The following GFOD1 variants were observed in gnomAD, a reference collection of about 807,000 sequenced individuals.
GFOD1 encodes Gfo/Idh/MocA-like oxidoreductase domain containing 1, also known as glucose-fructose oxidoreductase domain-containing protein 1.
A neutral mutation model predicts 25.4 loss-of-function variants in GFOD1; 9 were observed. The ratio of observed to expected loss-of-function variants is 0.35; its 90% CI spans 0.21 to 0.62. The LOEUF is 0.62. Ranked by LOEUF, GFOD1 falls within the 20% of genes least tolerant of loss-of-function variation. The pLI is 0.72. For missense variants in GFOD1, 403 were observed against 556.9 expected, an observed-to-expected ratio of 0.72 and a Z score of 2.78; for synonymous variants, 253 against 245.6, an observed-to-expected ratio of 1.03 and a Z score of -0.28.
At chr6:13,386,550 T>C (rs763223652) in intron 1 of GFOD1, among the ~76,000 whole-genome samples, 6 of 152,206 alleles carry the variant, frequency 3.9e-5, no homozygotes, top group East Asian at 1.9e-4. Flanking sequence ...CCAGCCATCA[T>C]TGGCTCCTGC....
At position 13,360,472 on chromosome 6, in the gene GFOD1, C is replaced by T; in HGVS notation, c.*4271G>A. The T allele has an allele frequency of 2.9e-6, 1 of 345,948 alleles. No homozygotes were observed. The highest frequency in any genetic ancestry group is 2.2e-5 in the South Asian group (1 of 45,886). 21.4% of individuals were successfully genotyped at this position (345,948 alleles called of 1,614,324 possible). A position where few individuals can be genotyped will look rare whatever the true frequency, so the allele number is the denominator to read the frequency against. ...CAAACGAACTTTAAAGCCCCACTCCCTGAGAAAGGACATTTTCCTACGTTA... is the reference window on the plus strand; with the variant it reads ...CAAACGAACTTTAAAGCCCCACTCCTTGAGAAAGGACATTTTCCTACGTTA... On this transcript the variant is annotated 3_prime_UTR_variant, in exon 2 of 2. Coordinates refer to ENST00000379287, the MANE Select transcript of GFOD1 (RefSeq NM_018988.4).
At chr6:13,482,355 T>G (rs1758771822) in intron 1 of GFOD1, among the ~76,000 whole-genome samples, 2 of 150,826 alleles carry the variant, frequency 1.3e-5, no homozygotes, top group African/African-American at 2.4e-5. Flanking sequence ...ATATTTAAAT[T>G]TTAACATATA....
chr6:13,378,320 A>T (rs142534122), intron 1 of GFOD1, among the ~76,000 whole-genome samples: 219 of 152,364 alleles, frequency 1.4e-3, no homozygotes, highest in Admixed American at 2.4e-3. Flanking sequence ...GGGTTAATAA[A>T]GGAAGTGCCA....
In GFOD1 at chr6:13,365,724, G is replaced by C; in HGVS notation, c.254-62C>G. On this transcript the variant is annotated intron_variant, in intron 1 of 1. Transcript: ENST00000379287. The surrounding 1 kb of genome is among the most constrained non-coding windows in gnomAD (Gnocchi z 9.2). ...GACCATGTCCGAGCGCGCGTCCCTG[G>C]GTCAGATCTTAAAATATTTCACATT... 8.7e-7 allele frequency: 1 copy of C among 1,152,770 alleles called. No individual in the cohort carries two copies. The highest frequency in any genetic ancestry group is 1.3e-6 in the Non-Finnish European group (1 of 796,668). The allele number at this position is 1,152,770 out of a possible 1,614,324, so 71.4% of individuals were successfully genotyped here.
At chr6:13,374,621 T>A (rs1003150590) in intron 1 of GFOD1, among the ~76,000 whole-genome samples, 3 of 151,778 alleles carry the variant, frequency 2.0e-5, no homozygotes, top group African/African-American at 2.4e-5. Context: ...TAAGTTTTTT[T>A]AATTGACACG....
intron 1 of GFOD1, among the ~76,000 whole-genome samples, chr6:13,415,411 G>A (rs776268364): frequency 2.0e-5 from 3 of 152,116 alleles, no homozygotes; most frequent in Non-Finnish European, 4.4e-5. Context: ...AGAAGGGGTC[G>A]TTGAGTCACC....
intron 1 of GFOD1, among the ~76,000 whole-genome samples, chr6:13,464,861 C>CGTGTGTGTGTGT (rs36218477): frequency 4.1e-5 from 6 of 146,766 alleles, no homozygotes; most frequent in African/African-American, 1.5e-4. Context: ...TTCCTCTTTC[C>CGTGTGTGTGTGT]GTGTGTGTGT....
In GFOD1 at chr6:13,428,291, G is replaced by A. The variant is rs186492401; in HGVS notation, c.253+58347C>T. ...GCCCATGCTGAATTTCTCTGTTCTC[G>A]TCCTAGTGCCTCTTTTGACAAGCCA... On this transcript the variant is annotated intron_variant, in intron 1 of 1. Coordinates refer to ENST00000379287, the MANE Select transcript of GFOD1 (RefSeq NM_018988.4). 2.2e-4 allele frequency among the ~76,000 whole-genome samples: 34 copies of A among 152,228 alleles called. No individual in the cohort carries two copies. In the East Asian group the frequency reaches 5.0e-3, roughly 22 times the overall value.
chr6:13,422,843 G>A (rs1405479016), intron 1 of GFOD1, among the ~76,000 whole-genome samples: 1 of 152,206 alleles, frequency 6.6e-6, no homozygotes, highest in Non-Finnish European at 1.5e-5. Flanking sequence ...TGGTGGGAAT[G>A]TCTTGGCCTG....
chr6:13,482,882 A>C (rs1355240567), intron 1 of GFOD1, among the ~76,000 whole-genome samples: 3 of 151,608 alleles, frequency 2.0e-5, no homozygotes, highest in Non-Finnish European at 4.4e-5. Context: ...TCTCTATGTA[A>C]AATATATGCA....
chr6:13,480,112 C>A lies in GFOD1; in HGVS notation c.253+6526G>T, dbSNP rs188597077. Among the ~76,000 whole-genome samples, 14 of 152,314 alleles carry A rather than the reference C, an allele frequency of 9.2e-5. 1 individual carries two copies. The highest frequency in any genetic ancestry group is 7.8e-4 in the Admixed American group (12 of 15,292). ...CTTCAACATGAAGCAACTGCTGACA[C>A]CATGAAGAAGGACAGAAAAGGGCCA... On this transcript the variant is annotated intron_variant, in intron 1 of 1. Transcript: ENST00000379287.
intron 1 of GFOD1, among the ~76,000 whole-genome samples, chr6:13,422,092 C>G (rs1786267310): frequency 6.6e-6 from 1 of 152,172 alleles, no homozygotes; most frequent in South Asian, 2.1e-4. Context: ...CATTCACACA[C>G]ACACTCACAA....
intron 1 of GFOD1, among the ~76,000 whole-genome samples, chr6:13,380,844 A>G (rs1422607322): frequency 6.6e-6 from 1 of 152,246 alleles, no homozygotes; most frequent in Non-Finnish European, 1.5e-5. Context: ...CAGAGCTCAG[A>G]AACCTCAGAA....
At position 13,363,238 on chromosome 6, in the gene GFOD1, T is replaced by TGTGCGCGC. The variant is rs1554198475; in HGVS notation, c.*1504_*1505insGCGCGCAC. The TGTGCGCGC allele has an allele frequency of 6.6e-5, 10 of 151,676 alleles. No individual in the cohort carries two copies. Among genetic ancestry groups the TGTGCGCGC allele is most frequent in the African/African-American group, 2.4e-4 (10 of 41,292 alleles). 9.4% of individuals were successfully genotyped at this position (151,676 alleles called of 1,614,324 possible). On this transcript the variant is annotated 3_prime_UTR_variant, in exon 2 of 2. Coordinates refer to ENST00000379287, the MANE Select transcript of GFOD1 (RefSeq NM_018988.4). ...GTGTGTGTGTGTGTGTGTGTGTGTG[T>TGTGCGCGC]GCACGTGCATGTGTGTGTGTGTCTG...
intron 1 of GFOD1, among the ~76,000 whole-genome samples, chr6:13,370,254 T>G (rs2127555681): frequency 6.6e-6 from 1 of 152,294 alleles, no homozygotes; most frequent in South Asian, 2.1e-4. Context: ...TCTTTATGAT[T>G]CTTACTGAAA....
chr6:13,467,726 G>A (rs1206232496), intron 1 of GFOD1, among the ~76,000 whole-genome samples: 6 of 152,090 alleles, frequency 3.9e-5, no homozygotes, highest in Non-Finnish European at 5.9e-5. Context: ...TGTTCCAGCT[G>A]TTTCTGACCT....
chr6:13,453,609 T>G (rs915277649), intron 1 of GFOD1, among the ~76,000 whole-genome samples: 6 of 152,228 alleles, frequency 3.9e-5, no homozygotes, highest in African/African-American at 1.4e-4. Flanking sequence ...TTCCCATAAC[T>G]TTAAACAAGC....
intron 1 of GFOD1, among the ~76,000 whole-genome samples, chr6:13,378,076 A>T (rs779751070): frequency 6.6e-6 from 1 of 152,178 alleles, no homozygotes; most frequent in Non-Finnish European, 1.5e-5. Flanking sequence ...GTATGTATCC[A>T]CTTGGCATCA....
At chr6:13,375,678 C>T (rs1339633572) in intron 1 of GFOD1, among the ~76,000 whole-genome samples, 1 of 152,130 alleles carries the variant, frequency 6.6e-6, no homozygotes, top group African/African-American at 2.4e-5. Flanking sequence ...CTACATTCAA[C>T]CCGCCCATAA....
Sources: allele counts gnomAD v4.1 joint callset (sites outside exome capture counted in the v4.1 genomes callset), GRCh38; gene constraint gnomAD v4.1.1; non-coding constraint Gnocchi (gnomAD v3.1); transcripts MANE v1.5; gene names NCBI Gene and HGNC (gene_info 2026-07-23, HGNC 2026-07-21).